Variants in BMPER observed in about 807,000 individuals in gnomAD.
The protein encoded by BMPER is BMP binding endothelial regulator, also known as BMP-binding endothelial regulator protein.
Under a neutral mutation model 87.3 loss-of-function variants are expected in BMPER, and 45 were observed. That is an observed-to-expected ratio of 0.52 (90% CI 0.41 to 0.66). The LOEUF (loss-of-function observed/expected upper bound fraction) is 0.66. Ranked by LOEUF, BMPER falls within the 30% of genes least tolerant of loss-of-function variation. BMPER has a pLI of 0.00. For missense variants in BMPER, 784 were observed against 867.5 expected (o/e 0.90, Z 1.21); for synonymous variants, 326 against 316.2 (o/e 1.03, Z -0.33).
chr7:33,918,824 G>A (rs1477387349), intron 2 of BMPER, among the ~76,000 whole-genome samples: 2 of 152,084 alleles, frequency 1.3e-5, no homozygotes, highest in Non-Finnish European at 2.9e-5. Context: ...AGCTCCATTA[G>A]CACATAGATG....
intron 6 of BMPER, among the ~76,000 whole-genome samples, chr7:34,009,117 C>A (rs1786812544): frequency 6.6e-6 from 1 of 151,812 alleles, no homozygotes; most frequent in Admixed American, 6.6e-5. Context: ...AGCTACTGTA[C>A]CCAGTATTTT....
intron 6 of BMPER, among the ~76,000 whole-genome samples, chr7:33,979,714 C>T (rs1785797025): frequency 6.6e-6 from 1 of 152,314 alleles, no homozygotes; most frequent in Admixed American, 6.5e-5. Context: ...GTGTGTGAAG[C>T]ATCCCTTGGG....
intron 3 of BMPER, among the ~76,000 whole-genome samples, chr7:33,942,793 C>T (rs965729988): frequency 1.3e-5 from 2 of 152,164 alleles, no homozygotes; most frequent in Admixed American, 6.5e-5. Context: ...CCTTTGCTGT[C>T]TTCCTATTTT....
chr7:33,905,993 T>G (rs1783805712), intron 1 of BMPER, among the ~76,000 whole-genome samples: 1 of 152,198 alleles, frequency 6.6e-6, no homozygotes, highest in Non-Finnish European at 1.5e-5. Flanking sequence ...ATTTGAGAAA[T>G]TATTTTATTT....
At chr7:33,986,600 G>T (rs993039098) in intron 6 of BMPER, among the ~76,000 whole-genome samples, 1 of 152,082 alleles carries the variant, frequency 6.6e-6, no homozygotes, top group African/African-American at 2.4e-5. Flanking sequence ...AGAGGAAGAG[G>T]CTCCAACCAC....
intron 2 of BMPER, among the ~76,000 whole-genome samples, chr7:33,920,418 GTGTTTTTTTT>G (rs1183122322): frequency 5.0e-5 from 5 of 99,940 alleles, no homozygotes; most frequent in African/African-American, 1.7e-4. Context: ...AAACTCCGTT[GTGTTTTTTTT>G]TTTTTTTTTT....
rs79950865 is a variant in BMPER at position 33,961,884 on chromosome 7, T to C, written c.320-4595T>C. Among the ~76,000 whole-genome samples the C allele has an allele frequency of 4.3e-4, 66 of 152,048 alleles. No homozygotes were observed. In the East Asian group the frequency reaches 9.3e-3, roughly 21 times the overall value. The stretch of plus-strand genomic sequence containing the variant: ...GAAGGGAAAGAACTGGAAAGGTAGG[T>C]TGGGGGCATGTTGTGAAGGCTTTGG... On this transcript the variant is annotated intron_variant, in intron 3 of 14. Coordinates refer to ENST00000649409, the MANE Select transcript of BMPER (RefSeq NM_001365308.1).
In BMPER at chr7:33,974,778, C is replaced by T. The variant is rs1785642211; in HGVS notation, c.570C>T (p.Ser190=). The T allele has an allele frequency of 1.9e-6, 3 of 1,613,840 alleles. No individual in the cohort carries two copies. The Admixed American group carries it at 5.0e-5, about 27-fold the overall frequency. ...QPEGSKCTKC[S]CTGGRTQCVR... is the part of the protein sequence containing the mutation. ...AAGGAAGCAAATGTACCAAGTGTTCCTGCACTGTAAGTCCTGCTGTGGATG... is the reference window on the plus strand; with the variant it reads ...AAGGAAGCAAATGTACCAAGTGTTCTTGCACTGTAAGTCCTGCTGTGGATG... Residue 190 remains serine, a synonymous_variant, in exon 6 of 15, where the codon TCC becomes TCT. Coordinates refer to ENST00000649409, the MANE Select transcript of BMPER (RefSeq NM_001365308.1).
intron 2 of BMPER, among the ~76,000 whole-genome samples, chr7:33,931,935 C>T (rs887723622): frequency 6.6e-6 from 1 of 152,204 alleles, no homozygotes; most frequent in African/African-American, 2.4e-5. Context: ...CCAGAAGTTA[C>T]ACCACAGTGT....
chr7:33,992,778 G>A (rs1786263897), intron 6 of BMPER, among the ~76,000 whole-genome samples: 1 of 146,038 alleles, frequency 6.8e-6, no homozygotes, highest in African/African-American at 2.5e-5. Flanking sequence ...TCCATGTTTA[G>A]CACTTCCTTC....
In BMPER at chr7:34,070,862, A is replaced by C. The variant is rs1011923045; in HGVS notation, c.1079-7995A>C. On this transcript the variant is annotated intron_variant, in intron 11 of 14. Coordinates refer to ENST00000649409, the MANE Select transcript of BMPER (RefSeq NM_001365308.1). The stretch of plus-strand genomic sequence containing the variant: ...AATTTCTACTTATTTTGGCAGAGCA[A>C]CAGGCAGGATTGATGTTTCACAGGA... 4.0e-5 allele frequency among the ~76,000 whole-genome samples: 6 copies of C among 148,872 alleles called. No homozygotes were observed. In the East Asian group the frequency reaches 7.9e-4, roughly 20 times the overall value.
chr7:34,153,149 C>T lies in BMPER; in HGVS notation c.1934C>T (p.Thr645Met), dbSNP rs754963203. ...YDTCGPGCIKTCDNWNEIGPC... is the reference protein window; with the variant it reads ...YDTCGPGCIKMCDNWNEIGPC... The stretch of plus-strand genomic sequence containing the variant: ...ACCTGTGGTCCGGGATGTATCAAGA[C>T]GTGTGACAACTGGAATGAAATTGGT... The change falls in exon 15 of 15, where the codon ACG becomes ATG. Residue 645 changes from threonine (T) to methionine (M), a missense_variant. Coordinates refer to ENST00000649409, the MANE Select transcript of BMPER (RefSeq NM_001365308.1). The T allele has an allele frequency of 6.2e-7, 1 of 1,614,014 alleles. No individual in the cohort carries two copies. Among genetic ancestry groups the T allele is most frequent in the Non-Finnish European group, 8.5e-7 (1 of 1,179,950 alleles).
At chr7:34,099,589 GA>G (rs1230839702) in intron 13 of BMPER, among the ~76,000 whole-genome samples, 1 of 152,068 alleles carries the variant, frequency 6.6e-6, no homozygotes, top group African/African-American at 2.4e-5. Flanking sequence ...TATGGATTTC[GA>G]AATGGTGGCC....
At chr7:33,935,102 T>A (rs1171764693) in intron 2 of BMPER, among the ~76,000 whole-genome samples, 2 of 152,206 alleles carry the variant, frequency 1.3e-5, no homozygotes, top group African/African-American at 4.8e-5. Flanking sequence ...TAACAATGTA[T>A]GACCTTTGTA....
intron 6 of BMPER, among the ~76,000 whole-genome samples, chr7:34,044,860 T>A (rs759217919): frequency 6.6e-6 from 1 of 152,136 alleles, no homozygotes; most frequent in Admixed American, 6.5e-5. Context: ...TAAACTGTTA[T>A]AATAAAAATG....
chr7:33,963,168 AT>A (rs1382014027), intron 3 of BMPER, among the ~76,000 whole-genome samples: 3 of 152,164 alleles, frequency 2.0e-5, no homozygotes, highest in Admixed American at 6.5e-5. Flanking sequence ...TAACTATAAT[AT>A]CTGTAAGTTT....
At position 34,102,949 on chromosome 7, in the gene BMPER, A is replaced by T. The variant is rs1481431173; in HGVS notation, c.1745+16857A>T. Among the ~76,000 whole-genome samples, 12 of 152,260 alleles carry T rather than the reference A, an allele frequency of 7.9e-5. No homozygotes were observed. The East Asian group carries it at 1.9e-3, about 25-fold the overall frequency. On this transcript the variant is annotated intron_variant, in intron 13 of 14. Transcript: ENST00000649409. The stretch of plus-strand genomic sequence containing the variant: ...GGCCCTCTGGGATGAGGTGCCCTGT[A>T]AGCTGAGATCTGGAGGAAGTGAGGG...
chr7:34,096,643 T>A (rs764028959), intron 13 of BMPER, among the ~76,000 whole-genome samples: 7 of 152,116 alleles, frequency 4.6e-5, no homozygotes, highest in Non-Finnish European at 8.8e-5. Flanking sequence ...TCCATGACAC[T>A]TGCACACAGA....
At chr7:34,001,823 T>C (rs923321939) in intron 6 of BMPER, among the ~76,000 whole-genome samples, 4 of 151,658 alleles carry the variant, frequency 2.6e-5, no homozygotes, top group African/African-American at 7.2e-5. Flanking sequence ...CAGGTACGCA[T>C]TTCTCTCTAA....
Sources: gnomAD v4.1 joint callset for allele counts (sites outside exome capture counted in the v4.1 genomes callset) on GRCh38, gnomAD v4.1.1 for gene constraint, MANE v1.5 for transcripts, NCBI Gene and HGNC (gene_info 2026-07-23, HGNC 2026-07-21) for gene names.